The following VNN2 variants were observed in gnomAD, a reference collection of about 807,000 sequenced individuals.
VNN2 encodes the protein vanin 2.
Under a neutral mutation model 43.0 loss-of-function variants are expected in VNN2, and 43 were observed. That is an observed-to-expected ratio of 1.00 (90% confidence interval 0.78 to 1.29). VNN2 has a LOEUF of 1.29. Ranked by LOEUF, VNN2 falls within the 50% of genes most tolerant of loss-of-function variation. The probability of loss-of-function intolerance (pLI) is 0.00; values close to 1 mark genes in which losing one functional copy is unlikely to be tolerated. For missense variants in VNN2, 652 were observed against 619.7 expected, an observed-to-expected ratio of 1.05 and a Z score of -0.55; for synonymous variants, 230 against 224.3, an observed-to-expected ratio of 1.03 and a Z score of -0.23.
chr6:132,752,922 A>G (rs1376750895), intron 3 of VNN2, 173 bp from the exon 4 acceptor site: 1 of 645,716 alleles, frequency 1.5e-6, no homozygotes, highest in East Asian at 2.8e-5. Context: ...GTGGAGGAAT[A>G]TGTAACATAC....
chr6:132,756,526 C>A (rs950745826), intron 2 of VNN2, among the ~76,000 whole-genome samples: 8 of 151,988 alleles, frequency 5.3e-5, no homozygotes, highest in Admixed American at 5.2e-4. Context: ...CCAGCAGTGA[C>A]CCCCACATTT....
chr6:132,757,704 A>C lies in VNN2; in HGVS notation c.180T>G (p.Ile60Met), dbSNP rs759694033. ...CTGCCTGCTTGATCGCTGTCTCCAG[A>C]ATGTCTATATTCTCGTTCATGAGAT... ...ALNLMNENID[I>M]LETAIKQAAE... Residue 60 changes from isoleucine (I) to methionine (M), a missense_variant, in exon 1 of 7, where the codon ATT becomes ATG. Physicochemically the swap from Ile to Met is conservative, Grantham distance 10. Transcript: ENST00000326499. 2 of 1,614,150 alleles carry C rather than the reference A, an allele frequency of 1.2e-6. No homozygotes were observed. The highest frequency in any genetic ancestry group is 4.5e-5 in the East Asian group (2 of 44,884).
intron 1 of VNN2, among the ~76,000 whole-genome samples, chr6:132,763,098 G>A (rs370095296): frequency 9.9e-5 from 15 of 152,076 alleles, no homozygotes; most frequent in Non-Finnish European, 1.9e-4. Flanking sequence ...TGGTAAAGTC[G>A]GGATGACTGT....
rs1779597458 is a variant in VNN2, at chr6:132,744,376, C to T, written c.1487G>A (p.Ser496Asn). 1 of 1,613,112 alleles carries T rather than the reference C, an allele frequency of 6.2e-7. No homozygotes were observed. Among genetic ancestry groups the T allele is most frequent in the African/African-American group, 1.3e-5 (1 of 74,814 alleles). The change falls in exon 7 of 7, where the codon AGC (serine) becomes AAC (asparagine). Residue 496 changes from serine to asparagine, a missense_variant. Transcript: ENST00000326499. The part of the protein sequence containing the change: ...KDSLYSSCGT[S>N]NSAITYLLIF... ...TAGCAGGTAAGTTATTGCTGAATTG[C>T]TGGTCCCACATGAGCTGTAAAGTGA...
At chr6:132,758,368 A>G (rs1021441919), upstream of VNN2, among the ~76,000 whole-genome samples, 8 of 152,028 alleles carry the variant, frequency 5.3e-5, no homozygotes, top group Admixed American at 2.0e-4. Flanking sequence ...AGAACGCAAT[A>G]TATCTGACCA....
rs143506954 is a variant in VNN2 at position 132,744,296 on chromosome 6, C to A, written c.*4G>T. On this transcript the variant is annotated 3_prime_UTR_variant, in exon 7 of 7. Transcript: ENST00000326499. ...ATGCAGAAGCTGAGTGATAAAGAGA[C>A]GCCCTATAACATTACAATATTTTGC... 10 of 1,598,234 alleles carry A rather than the reference C, an allele frequency of 6.3e-6. No individual in the cohort carries two copies. The Admixed American group carries it at 1.6e-4, about 26-fold the overall frequency.
Position 132,757,698 on chromosome 6 carries a change from C to G in VNN2, c.186G>C (p.Glu62Asp). The G allele has an allele frequency of 6.2e-7, 1 of 1,614,172 alleles. No individual in the cohort carries two copies. Among genetic ancestry groups the G allele is most frequent in the East Asian group, 2.2e-5 (1 of 44,886 alleles). Residue 62 changes from glutamate (E) to aspartate (D), a missense_variant, in exon 1 of 7, where the codon GAG becomes GAC. Physicochemically the swap from Glu to Asp is conservative, Grantham distance 45. Transcript: ENST00000326499. ...NLMNENIDIL[E>D]TAIKQAAEQG... ...GCTCAGCTGCCTGCTTGATCGCTGT[C>G]TCCAGAATGTCTATATTCTCGTTCA... is the stretch of plus-strand genomic sequence containing the variant.
Position 132,752,677 on chromosome 6 carries a change from C to T in VNN2, c.610G>A (p.Gly204Arg), listed in dbSNP as rs754012420. 1 of 1,614,144 alleles carries T rather than the reference C, an allele frequency of 6.2e-7. No homozygotes were observed. The highest frequency in any genetic ancestry group is 8.5e-7 in the Non-Finnish European group (1 of 1,180,018). ...PELVTFNTAF[G>R]RFGIFTCFDI... ...AAGCACGTGAAAATGCCAAACCTTC[C>T]AAATGCGGTGTTGAAAGTCACCAAC... Residue 204 changes from glycine (G) to arginine (R), a missense_variant, in exon 4 of 7, where the codon GGA becomes AGA. By Grantham distance (125) the Gly-to-Arg change is moderately radical. Coordinates refer to ENST00000326499, the MANE Select transcript of VNN2 (RefSeq NM_004665.6).
At chr6:132,756,185 G>A in intron 2 of VNN2, 150 bp from the exon 3 acceptor site, 1 of 744,138 alleles carries the variant, frequency 1.3e-6, no homozygotes, top group Non-Finnish European at 2.1e-6. Context: ...AGCCACAGAT[G>A]ATTATACACT....
rs1780091253 is a variant in VNN2, at chr6:132,751,440, GAAAGGAGAAGTTTTCCC to G, written c.888_904del (p.Leu296PhefsTer18). 1 of 1,614,148 alleles carries G rather than the reference GAAAGGAGAAGTTTTCCC, an allele frequency of 6.2e-7. No homozygotes were observed. Among genetic ancestry groups the G allele is most frequent in the Non-Finnish European group, 8.5e-7 (1 of 1,180,008 alleles). ...GGATAGGGGATGTGAATCCACCTCT[GAAAGGAGAAGTTTTCCC>G]AACTCTGTCTTCATGTCATAATGAT... On this transcript the variant is annotated frameshift_variant, in exon 5 of 7. Transcript: ENST00000326499. LOFTEE classifies it high-confidence loss of function.
upstream of VNN2, among the ~76,000 whole-genome samples, chr6:132,762,610 A>G (rs566996473): frequency 6.6e-6 from 1 of 152,332 alleles, no homozygotes; most frequent in African/African-American, 2.4e-5. Flanking sequence ...AACTTTAACC[A>G]TCTTTTGGGG....
intron 6 of VNN2, among the ~76,000 whole-genome samples, chr6:132,749,347 T>G (rs180884371): frequency 1.3e-5 from 2 of 152,308 alleles, no homozygotes; most frequent in Admixed American, 1.3e-4. Flanking sequence ...TCAGCTAACA[T>G]GTGAACAAGC....
intron 3 of VNN2, chr6:132,753,326 T>C (rs1780247761): frequency 6.0e-6 from 2 of 334,934 alleles, no homozygotes; most frequent in Non-Finnish European, 5.9e-6. Flanking sequence ...CACCTGGCCC[T>C]ATAAGCTTCT....
chr6:132,759,460 AAC>A (rs1491038325), upstream of VNN2, among the ~76,000 whole-genome samples: 2 of 151,330 alleles, frequency 1.3e-5, no homozygotes, highest in East Asian at 3.9e-4. Context: ...AAAAAAAAAA[AAC>A]AATAATAACA....
Position 132,749,749 on chromosome 6 carries a change from A to G in VNN2, c.1317T>C (p.Tyr439=), listed in dbSNP as rs1779938835. The change falls in exon 6 of 7, where the codon TAT becomes TAC. Residue 439 remains tyrosine, a synonymous_variant. Transcript: ENST00000326499. ...CGGTAAGTAGCACTTCAGGAAAAAC[A>G]TACTCTGTTCCAAATGTGCCACTGA... ...FSLSGTFGTE[Y]VFPEVLLTEI... is the part of the protein sequence containing the mutation. The G allele has an allele frequency of 2.5e-6, 4 of 1,613,948 alleles. No homozygotes were observed. The South Asian group carries it at 4.4e-5, about 18-fold the overall frequency.
upstream of VNN2, among the ~76,000 whole-genome samples, chr6:132,759,402 G>A (rs1398627682): frequency 7.2e-6 from 1 of 139,478 alleles, no homozygotes. Flanking sequence ...TCACACCATT[G>A]CGCTCCAGGC....
intron 6 of VNN2, among the ~76,000 whole-genome samples, chr6:132,747,156 C>G (rs747814059): frequency 1.3e-5 from 2 of 152,144 alleles, no homozygotes; most frequent in Admixed American, 1.3e-4. Flanking sequence ...TTCCTTCCAT[C>G]TAAGAAGGAA....
chr6:132,758,042 T>TTCTTCTTCTTCTTCTTCTTCCTC (rs1562254247), upstream of VNN2: 6 of 159,470 alleles, frequency 3.8e-5, no homozygotes, highest in African/African-American at 4.6e-4. Flanking sequence ...TCTTCTTCTT[T>TTCTTCTTCTTCTTCTTCTTCCTC]TTTTTTTTTT....
At chr6:132,746,652 T>G (rs1394297220) in intron 6 of VNN2, among the ~76,000 whole-genome samples, 1 of 152,168 alleles carries the variant, frequency 6.6e-6, no homozygotes, top group African/African-American at 2.4e-5. Context: ...CTGTGGGTTC[T>G]TGGAAATCTT....
Sources: gnomAD v4.1 joint callset for allele counts (sites outside exome capture counted in the v4.1 genomes callset) on GRCh38, gnomAD v4.1.1 for gene constraint, MANE v1.5 for transcripts, NCBI Gene and HGNC (gene_info 2026-07-23, HGNC 2026-07-21) for gene names.